The following GPC5 variants were observed in gnomAD, a reference collection of about 807,000 sequenced individuals.
GPC5 encodes the protein glypican-5.
Under a neutral mutation model 53.9 loss-of-function variants are expected in GPC5, and 47 were observed. The observed-to-expected ratio is 0.87, with a 90% CI of 0.69 to 1.11. The LOEUF (loss-of-function observed/expected upper bound fraction) is 1.11. Among genes scored for constraint, GPC5 ranks in the 50% most tolerant of loss-of-function variants. GPC5 has a pLI of 0.00. For synonymous variants in GPC5, 286 were observed against 263.3 expected (o/e 1.09, Z -0.84); for missense variants, 748 against 713.1 (o/e 1.05, Z -0.56).
chr13:91,452,570 A>T (rs1167866070), intron 2 of GPC5, among the ~76,000 whole-genome samples: 4 of 151,968 alleles, frequency 2.6e-5, no homozygotes. Flanking sequence ...TTGCTATAAG[A>T]TTTTCTGCTT....
intron 7 of GPC5, among the ~76,000 whole-genome samples, chr13:92,163,049 A>T (rs1041605106): frequency 1.2e-4 from 19 of 152,306 alleles, no homozygotes; most frequent in Non-Finnish European, 2.4e-4. Context: ...AGATGCTCAG[A>T]AAAGTCTATG....
rs1314899920 is a variant in GPC5, at chr13:92,377,724, T to C, written c.1561+232735T>C. ...AGATTATGTATTTGATTAATAATGC[T>C]TTTTGTTTGTTTTCTTTTGATGATT... On this transcript the variant is annotated intron_variant, in intron 7 of 7. Coordinates refer to ENST00000377067, the MANE Select transcript of GPC5 (RefSeq NM_004466.6). Among the ~76,000 whole-genome samples, 4 of 152,200 alleles carry C rather than the reference T, an allele frequency of 2.6e-5. No individual in the cohort carries two copies. The East Asian group carries it at 7.7e-4, about 29-fold the overall frequency.
intron 7 of GPC5, among the ~76,000 whole-genome samples, chr13:92,715,028 G>A (rs1384181873): frequency 6.6e-6 from 1 of 152,162 alleles, no homozygotes; most frequent in Admixed American, 6.6e-5. Context: ...TCACGCCACT[G>A]CACTCCAGCC....
chr13:91,479,461 A>T (rs919964744), intron 2 of GPC5, among the ~76,000 whole-genome samples: 1 of 152,170 alleles, frequency 6.6e-6, no homozygotes. Flanking sequence ...AATAATTAGG[A>T]AGATCCTTGG....
At chr13:92,531,772 G>A (rs772788621) in intron 7 of GPC5, among the ~76,000 whole-genome samples, 9 of 152,134 alleles carry the variant, frequency 5.9e-5, no homozygotes, top group Admixed American at 2.0e-4. Flanking sequence ...GGCCGGTGCC[G>A]TCTCTCTGGT....
chr13:91,584,130 C>A (rs868474933), intron 2 of GPC5, among the ~76,000 whole-genome samples: 1 of 152,076 alleles, frequency 6.6e-6, no homozygotes, highest in Non-Finnish European at 1.5e-5. Flanking sequence ...CATCTGCAAG[C>A]GAAAGAGAGG....
intron 6 of GPC5, among the ~76,000 whole-genome samples, chr13:92,098,465 T>C (rs992891642): frequency 3.3e-5 from 5 of 152,182 alleles, no homozygotes; most frequent in Admixed American, 2.6e-4. Flanking sequence ...TACTTTGAGT[T>C]GATGCTGCAA....
At chr13:92,070,334 C>A (rs1365694056) in intron 6 of GPC5, among the ~76,000 whole-genome samples, 3 of 152,144 alleles carry the variant, frequency 2.0e-5, no homozygotes, top group Non-Finnish European at 4.4e-5. Context: ...TACCTGAATA[C>A]AACACACTTT....
intron 7 of GPC5, among the ~76,000 whole-genome samples, chr13:92,772,114 C>T (rs1875637871): frequency 6.6e-6 from 1 of 152,102 alleles, no homozygotes; most frequent in African/African-American, 2.4e-5. Context: ...AAAACATCCA[C>T]AGCTGCCACC....
chr13:91,484,961 C>G (rs931733109), intron 2 of GPC5, among the ~76,000 whole-genome samples: 1 of 152,194 alleles, frequency 6.6e-6, no homozygotes, highest in African/African-American at 2.4e-5. Context: ...TCTATGATTG[C>G]TACTCAGAGG....
At chr13:91,977,939 G>A (rs1167763490) in intron 6 of GPC5, among the ~76,000 whole-genome samples, 3 of 140,894 alleles carry the variant, frequency 2.1e-5, no homozygotes, top group Admixed American at 7.2e-5. Context: ...TAACGAGACC[G>A]CCATCTCTAA....
At chr13:92,422,082 G>C (rs1212950633) in intron 7 of GPC5, among the ~76,000 whole-genome samples, 5 of 151,996 alleles carry the variant, frequency 3.3e-5, no homozygotes, top group African/African-American at 9.6e-5. Context: ...GAGAATATGG[G>C]ACACAGACTA....
chr13:91,534,384 C>T (rs1381587250), intron 2 of GPC5, among the ~76,000 whole-genome samples: 2 of 152,086 alleles, frequency 1.3e-5, no homozygotes, highest in African/African-American at 4.8e-5. Context: ...CAAGTTAATT[C>T]TTTATACCTC....
chr13:91,588,443 T>G (rs2032676480), intron 2 of GPC5, among the ~76,000 whole-genome samples: 1 of 152,094 alleles, frequency 6.6e-6, no homozygotes, highest in Non-Finnish European at 1.5e-5. Flanking sequence ...TTTGCATTGC[T>G]GAGTAGAGGG....
chr13:92,549,723 A>G (rs1025529786), intron 7 of GPC5, among the ~76,000 whole-genome samples: 1 of 152,172 alleles, frequency 6.6e-6, no homozygotes, highest in South Asian at 2.1e-4. Flanking sequence ...AAATCTGCTA[A>G]GGAGAAAGTA....
intron 7 of GPC5, among the ~76,000 whole-genome samples, chr13:92,148,972 T>G (rs556095242): frequency 2.6e-5 from 4 of 152,202 alleles, no homozygotes; most frequent in Non-Finnish European, 5.9e-5. Context: ...TCTTATGTGA[T>G]CTTATGATTT....
At chr13:92,388,760 T>C (rs1874859806) in intron 7 of GPC5, among the ~76,000 whole-genome samples, 1 of 152,258 alleles carries the variant, frequency 6.6e-6, no homozygotes, top group East Asian at 1.9e-4. Context: ...AGCATTTTAA[T>C]AAGCTTTATT....
intron 6 of GPC5, among the ~76,000 whole-genome samples, chr13:92,130,819 C>T (rs960931781): frequency 6.6e-5 from 10 of 151,332 alleles, no homozygotes; most frequent in African/African-American, 2.4e-4. Flanking sequence ...TAAGGTAGTC[C>T]ACAATAGTCT....
At chr13:92,380,814 C>T (rs112652463) in intron 7 of GPC5, among the ~76,000 whole-genome samples, 2,548 of 150,538 alleles carry the variant, frequency 0.017, 67 homozygotes, top group African/African-American at 0.058. Context: ...TGCTAGATGA[C>T]GAGTTAGTGG....
Sources: allele counts gnomAD v4.1 joint callset (sites outside exome capture counted in the v4.1 genomes callset), GRCh38; gene constraint gnomAD v4.1.1; transcripts MANE v1.5; gene names NCBI Gene and HGNC (gene_info 2026-07-23, HGNC 2026-07-21).